Variants in DNAJC24 observed in about 807,000 individuals in gnomAD.
DNAJC24 encodes the protein dnaJ homolog subfamily C member 24.
DNAJC24 carries 17 observed loss-of-function variants against 18.0 expected under a neutral mutation model. The ratio of observed to expected loss-of-function variants is 0.94; its 90% CI spans 0.65 to 1.42. The LOEUF is 1.42. DNAJC24 is among the 40% of genes most tolerant of loss of function. The probability of loss-of-function intolerance (pLI) is 0.00; values close to 1 mark genes in which losing one functional copy is unlikely to be tolerated. For synonymous variants in DNAJC24, 55 were observed against 57.7 expected (o/e 0.95, Z 0.21); for missense variants, 158 against 175.6 (o/e 0.90, Z 0.57).
intron 2 of DNAJC24, among the ~76,000 whole-genome samples, chr11:31,388,301 T>C (rs1952451241): frequency 6.6e-6 from 1 of 152,126 alleles, no homozygotes; most frequent in Non-Finnish European, 1.5e-5. Flanking sequence ...GAAATAAGAC[T>C]ACCTCAAGAT....
intron 4 of DNAJC24, chr11:31,429,593 G>T (rs946486843): frequency 2.9e-6 from 1 of 343,966 alleles, no homozygotes; most frequent in African/African-American, 2.1e-5. Flanking sequence ...AAATTTCCAC[G>T]ATCAGGAGCC....
intron 2 of DNAJC24, among the ~76,000 whole-genome samples, chr11:31,398,226 T>A (rs1378155816): frequency 6.6e-6 from 1 of 152,180 alleles, no homozygotes; most frequent in African/African-American, 2.4e-5. Context: ...CTCTTTTTTT[T>A]TTCCCTGTCA....
In DNAJC24 at chr11:31,432,742, G is replaced by A. The variant is rs1172548274; in HGVS notation, c.*2341G>A. 6.6e-6 allele frequency among the ~76,000 whole-genome samples: 1 copy of A among 152,166 alleles called. No individual in the cohort carries two copies. Among genetic ancestry groups the A allele is most frequent in the Non-Finnish European group, 1.5e-5 (1 of 68,018 alleles). Reference sequence around the variant, plus strand: ...GTAAGACTTGAGAAAATAAACTTATGTGTATATATGTTTAAACTCCAAAGT... The same window carrying A: ...GTAAGACTTGAGAAAATAAACTTATATGTATATATGTTTAAACTCCAAAGT... On this transcript the variant is annotated 3_prime_UTR_variant, in exon 5 of 5. Coordinates refer to ENST00000465995, the MANE Select transcript of DNAJC24 (RefSeq NM_181706.5).
intron 2 of DNAJC24, among the ~76,000 whole-genome samples, chr11:31,411,047 A>G (rs565201531): frequency 1.6e-4 from 25 of 152,234 alleles, no homozygotes; most frequent in Middle Eastern, 6.3e-3. Context: ...TGGGGATTAA[A>G]AGAAATTAAG....
At chr11:31,416,024 C>T (rs1021263863) in intron 3 of DNAJC24, 2 of 152,136 alleles carry the variant, frequency 1.3e-5, no homozygotes, top group African/African-American at 4.8e-5. Context: ...CTGTGTGATA[C>T]TTCTGTGTGG....
At chr11:31,423,351 C>G (rs1223045592) in intron 3 of DNAJC24, among the ~76,000 whole-genome samples, 1 of 152,158 alleles carries the variant, frequency 6.6e-6, no homozygotes, top group East Asian at 1.9e-4. Flanking sequence ...ACCTCTGCCT[C>G]CTGGGTTCAA....
At chr11:31,404,904 CA>C (rs1952639592) in intron 2 of DNAJC24, among the ~76,000 whole-genome samples, 1 of 151,494 alleles carries the variant, frequency 6.6e-6, no homozygotes, top group South Asian at 2.1e-4. Context: ...AAAAAAAAAC[CA>C]AAACACAAAC....
At chr11:31,379,230 C>A (rs1952350327) in intron 2 of DNAJC24, among the ~76,000 whole-genome samples, 1 of 152,146 alleles carries the variant, frequency 6.6e-6, no homozygotes, top group Non-Finnish European at 1.5e-5. Context: ...GCGAGTGTTA[C>A]CACCTGAGCT....
At chr11:31,424,956 TAG>T (rs1031363189) in intron 3 of DNAJC24, among the ~76,000 whole-genome samples, 1 of 152,056 alleles carries the variant, frequency 6.6e-6, no homozygotes, top group Non-Finnish European at 1.5e-5. Flanking sequence ...TGGATTTTAG[TAG>T]AGTTTTTTTT....
At chr11:31,424,527 A>G (rs544279094) in intron 3 of DNAJC24, among the ~76,000 whole-genome samples, 2 of 152,156 alleles carry the variant, frequency 1.3e-5, no homozygotes, top group Non-Finnish European at 2.9e-5. Context: ...CATATAGCCT[A>G]TTGTACTTTA....
At chr11:31,408,090 T>A (rs1372641328) in intron 2 of DNAJC24, 1 of 455,998 alleles carries the variant, frequency 2.2e-6, no homozygotes, top group Admixed American at 2.4e-5. Context: ...CACATTGCAA[T>A]TTTCATTGTG....
intron 2 of DNAJC24, among the ~76,000 whole-genome samples, chr11:31,379,790 C>G (rs1952357800): frequency 6.6e-6 from 1 of 151,930 alleles, no homozygotes; most frequent in Non-Finnish European, 1.5e-5. Context: ...CAGAGTCTCA[C>G]CCTGTCGTCC....
At chr11:31,378,760 C>T (rs140062619) in intron 2 of DNAJC24, among the ~76,000 whole-genome samples, 70 of 151,900 alleles carry the variant, frequency 4.6e-4, no homozygotes, top group African/African-American at 1.6e-3. Context: ...AAAAGTTAAG[C>T]GTGAGCTCTA....
intron 2 of DNAJC24, among the ~76,000 whole-genome samples, chr11:31,390,648 G>T (rs1476510447): frequency 6.7e-6 from 1 of 148,846 alleles, no homozygotes; most frequent in African/African-American, 2.5e-5. Context: ...GGAGGTTGCA[G>T]TGAGCCAAGA....
At chr11:31,430,189 G>T (rs772996326) in intron 4 of DNAJC24, 82 bp from the exon 5 acceptor site, 348 of 1,236,338 alleles carry the variant, frequency 2.8e-4, no homozygotes, top group Non-Finnish European at 3.6e-4. Context: ...AATTCCTATG[G>T]AATAAACTCT....
rs139482598 is a variant in DNAJC24, at chr11:31,421,375, T to G, written c.251-4912T>G. Among the ~76,000 whole-genome samples, 518 of 152,348 alleles carry G rather than the reference T, an allele frequency of 3.4e-3. 3 individuals are homozygous for G. The highest frequency in any genetic ancestry group is 4.1e-3 in the Non-Finnish European group (278 of 68,026). ...ACTTACACACCAGTGTCTTTAAGTTTGAAATAAACTTTAAACATTTGAAAT... is the reference window on the plus strand; with the variant it reads ...ACTTACACACCAGTGTCTTTAAGTTGGAAATAAACTTTAAACATTTGAAAT... On this transcript the variant is annotated intron_variant, in intron 3 of 4. Transcript: ENST00000465995.
intron 3 of DNAJC24, among the ~76,000 whole-genome samples, chr11:31,425,336 G>A (rs1192436581): frequency 6.6e-6 from 1 of 152,144 alleles, no homozygotes; most frequent in Non-Finnish European, 1.5e-5. Context: ...TTTGGATAGA[G>A]CATTATTTTT....
At chr11:31,385,499 A>G (rs1008198128) in intron 2 of DNAJC24, among the ~76,000 whole-genome samples, 6 of 152,224 alleles carry the variant, frequency 3.9e-5, no homozygotes, top group Non-Finnish European at 5.9e-5. Context: ...AGATCTTAGA[A>G]ATGTAAAAAT....
At chr11:31,423,508 G>C (rs761840415) in intron 3 of DNAJC24, among the ~76,000 whole-genome samples, 6 of 152,142 alleles carry the variant, frequency 3.9e-5, no homozygotes, top group Admixed American at 2.6e-4. Flanking sequence ...TGATCCACCC[G>C]CCTCGGCCTC....
Sources: gnomAD v4.1 joint callset for allele counts (sites outside exome capture counted in the v4.1 genomes callset) on GRCh38, gnomAD v4.1.1 for gene constraint, MANE v1.5 for transcripts, NCBI Gene and HGNC (gene_info 2026-07-23, HGNC 2026-07-21) for gene names.